MRPL28: variants seen among roughly 807,000 people sequenced by gnomAD.
MRPL28 encodes the protein large ribosomal subunit protein bL28m.
In MRPL28, 25 loss-of-function variants were observed where a neutral mutation model predicts 26.2. The ratio of observed to expected loss-of-function variants is 0.95; its 90% CI spans 0.69 to 1.33. The LOEUF (loss-of-function observed/expected upper bound fraction) is 1.33, where lower values mean the gene tolerates loss of function less well. Among genes scored for constraint, MRPL28 ranks in the 40% most tolerant of loss-of-function variants. MRPL28 has a pLI of 0.00. For missense variants in MRPL28, 432 were observed against 327.2 expected (o/e 1.32, Z -2.47); for synonymous variants, 227 against 140.1 (o/e 1.62, Z -4.38).
chr16:367,681 G>C lies in MRPL28; in HGVS notation c.765C>G (p.Gly255=). The change falls in exon 6 of 6, where the codon GGC becomes GGG. Residue 255 remains glycine, a synonymous_variant. Transcript: ENST00000199706. ...EPAVVQKRAS[G]Q ...GCATGGAGGAGCTGTGTGGTCACTG[G>C]CCACTGGCTCTCTTCTGCACCACCG... 1 of 1,613,490 alleles carries C rather than the reference G, an allele frequency of 6.2e-7. No individual in the cohort carries two copies. The highest frequency in any genetic ancestry group is 8.5e-7 in the Non-Finnish European group (1 of 1,179,788).
intron 5 of MRPL28, 61 bp from the exon 6 acceptor site, chr16:367,843 G>C: frequency 6.9e-7 from 1 of 1,443,992 alleles, no homozygotes; most frequent in South Asian, 1.2e-5. Flanking sequence ...GAGTTCCGAC[G>C]GGGATGGGAT....
intron 3 of MRPL28, chr16:368,853 G>A (rs1362382081): frequency 3.1e-6 from 3 of 979,476 alleles, no homozygotes; most frequent in Admixed American, 2.9e-5. Flanking sequence ...CAGGCCCCAC[G>A]GGCAAGTCAG....
Position 369,164 on chromosome 16 carries a change from G to A in MRPL28, c.345C>T (p.Tyr115=). ...WKPQLFEREF[Y]SEILDKKFTV... Reference sequence around the variant, plus strand: ...TGAACTTCTTGTCCAGGATCTCACTGTAGAACTCTCGCTCAAACAGCTGTG... The same window carrying A: ...TGAACTTCTTGTCCAGGATCTCACTATAGAACTCTCGCTCAAACAGCTGTG... Residue 115 remains tyrosine, a synonymous_variant, in exon 3 of 6, where the codon TAC becomes TAT. Transcript: ENST00000199706. 5.0e-6 allele frequency: 8 copies of A among 1,614,076 alleles called. No individual in the cohort carries two copies. Among genetic ancestry groups the A allele is most frequent in the Non-Finnish European group, 6.8e-6 (8 of 1,179,962 alleles).
In MRPL28 at chr16:367,449, G is replaced by A. The variant is rs145965830; in HGVS notation, c.*226C>T. 4,429 of 715,278 alleles carry A rather than the reference G, an allele frequency of 6.2e-3. 27 individuals carry two copies. The highest frequency in any genetic ancestry group is 8.5e-3 in the Non-Finnish European group (3,250 of 383,666). 44.3% of individuals were successfully genotyped at this position (715,278 alleles called of 1,614,324 possible). The stretch of plus-strand genomic sequence containing the variant: ...CCCCACGGGCACAAGGAACACTGCC[G>A]CAAACGTCGGGGCCCAGCCTGAGAG... On this transcript the variant is annotated 3_prime_UTR_variant, in exon 6 of 6. Coordinates refer to ENST00000199706, the MANE Select transcript of MRPL28 (RefSeq NM_006428.5).
Position 367,413 on chromosome 16 carries a change from C to G in MRPL28, c.*262G>C, listed in dbSNP as rs1252341261. 8 of 709,836 alleles carry G rather than the reference C, an allele frequency of 1.1e-5. No individual in the cohort carries two copies. Among genetic ancestry groups the G allele is most frequent in the African/African-American group, 1.8e-5 (1 of 57,116 alleles). 44.0% of individuals were successfully genotyped at this position (709,836 alleles called of 1,614,324 possible). A position where few individuals can be genotyped will look rare whatever the true frequency, so the allele number is the denominator to read the frequency against. The stretch of plus-strand genomic sequence containing the variant: ...CACACACAGCCTGGCCCAGACTTTA[C>G]TCGCTCCCGGCCCCACGGGCACAAG... On this transcript the variant is annotated 3_prime_UTR_variant, in exon 6 of 6. Coordinates refer to ENST00000199706, the MANE Select transcript of MRPL28 (RefSeq NM_006428.5).
chr16:369,799 C>A, intron 2 of MRPL28, 132 bp downstream of exon 2: 1 of 1,171,682 alleles, frequency 8.5e-7, no homozygotes, highest in East Asian at 2.5e-5. Context: ...TGCTCCTTTG[C>A]CGGAGATGTG....
At chr16:367,880 G>A in intron 5 of MRPL28, 98 bp from the exon 6 acceptor site, 5 of 995,406 alleles carry the variant, frequency 5.0e-6, no homozygotes, top group South Asian at 2.9e-5. Context: ...GAGGAACCGG[G>A]GCATGAGAGG....
At chr16:368,217 G>A (rs1156636755) in intron 5 of MRPL28, 111 bp downstream of exon 5, 3 of 1,297,700 alleles carry the variant, frequency 2.3e-6, no homozygotes, top group Non-Finnish European at 3.3e-6. Flanking sequence ...TCTTCCCCAA[G>A]CCCACCCAGT....
chr16:367,099 G>A lies in MRPL28; in HGVS notation c.*576C>T, dbSNP rs113849177. Among the ~76,000 whole-genome samples, 8,405 of 152,252 alleles carry A rather than the reference G, an allele frequency of 0.055. 290 individuals are homozygous for A. The highest frequency in any genetic ancestry group is 0.082 in the Non-Finnish European group (5,542 of 67,996). ...GGGTGCCTGTAATCCCAGCTACTCA[G>A]GAGGCTGAGACAGGACAATCACTTG... On this transcript the variant is annotated 3_prime_UTR_variant, in exon 6 of 6. Coordinates refer to ENST00000199706, the MANE Select transcript of MRPL28 (RefSeq NM_006428.5).
chr16:367,350 T>C lies in MRPL28; in HGVS notation c.*325A>G. 1 of 641,542 alleles carries C rather than the reference T, an allele frequency of 1.6e-6. No individual in the cohort carries two copies. The allele number at this position is 641,542 out of a possible 1,614,324, so 39.7% of individuals were successfully genotyped here. A position where few individuals can be genotyped will look rare whatever the true frequency, so the allele number is the denominator to read the frequency against. On this transcript the variant is annotated 3_prime_UTR_variant, in exon 6 of 6. Coordinates refer to ENST00000199706, the MANE Select transcript of MRPL28 (RefSeq NM_006428.5). Reference sequence around the variant, plus strand: ...AAGGGCAGGGGTGACAGGATCAGGATCCCCAAAGAGAACACCAGTCCTCAA... The same window carrying C: ...AAGGGCAGGGGTGACAGGATCAGGACCCCCAAAGAGAACACCAGTCCTCAA...
intron 1 of MRPL28, 128 bp downstream of exon 1, chr16:370,371 C>T: frequency 7.6e-7 from 1 of 1,318,996 alleles, no homozygotes. Flanking sequence ...CCCGCTACCC[C>T]GGCCCCCGGC....
In MRPL28 at chr16:368,521, C is replaced by T; in HGVS notation, c.556G>A (p.Ala186Thr). Residue 186 changes from alanine to threonine, a missense_variant, in exon 4 of 6, where the codon GCC becomes ACC. Coordinates refer to ENST00000199706, the MANE Select transcript of MRPL28 (RefSeq NM_006428.5). ...LHPEDPERRA[A>T]IYDKYKEFAI... Reference sequence around the variant, plus strand: ...CTCACCTTGTACTTGTCGTAGATGGCTGCCCGCCGCTCGGGGTCCTCGGGG... The same window carrying T: ...CTCACCTTGTACTTGTCGTAGATGGTTGCCCGCCGCTCGGGGTCCTCGGGG... 1 of 1,593,862 alleles carries T rather than the reference C, an allele frequency of 6.3e-7. No individual in the cohort carries two copies. The highest frequency in any genetic ancestry group is 1.1e-5 in the South Asian group (1 of 89,080).
At position 367,619 on chromosome 16, in the gene MRPL28, A is replaced by C; in HGVS notation, c.*56T>G. 1 of 1,508,438 alleles carries C rather than the reference A, an allele frequency of 6.6e-7. No homozygotes were observed. Among genetic ancestry groups the C allele is most frequent in the Non-Finnish European group, 9.2e-7 (1 of 1,087,762 alleles). The allele number at this position is 1,508,438 out of a possible 1,614,324, so 93.4% of individuals were successfully genotyped here. On this transcript the variant is annotated 3_prime_UTR_variant, in exon 6 of 6. Transcript: ENST00000199706. ...TCCCCGGGATCTGTGTCCTCAGTGC[A>C]AAGGGCCTGGCAGGGAAAGCTGGGC... is the stretch of plus-strand genomic sequence containing the variant.
chr16:367,980 G>A (rs991351696), intron 5 of MRPL28, among the ~76,000 whole-genome samples, 198 bp from the exon 6 acceptor site: 1 of 152,230 alleles, frequency 6.6e-6, no homozygotes, highest in African/African-American at 2.4e-5. Context: ...CCATCCCTGT[G>A]GTCATGGATA....
chr16:369,894 C>A (rs2054304324), intron 2 of MRPL28, 37 bp downstream of exon 2: 5 of 1,582,788 alleles, frequency 3.2e-6, no homozygotes, highest in South Asian at 1.2e-5. Context: ...ACAGCCAAGC[C>A]CTGAGAGGAG....
intron 3 of MRPL28, 107 bp from the exon 4 acceptor site, chr16:368,742 C>T: frequency 6.7e-7 from 1 of 1,483,288 alleles, no homozygotes; most frequent in African/African-American, 1.4e-5. Flanking sequence ...CAGGACAGGA[C>T]AGAGAAGGCC....
rs1384019609 is a variant in MRPL28, at chr16:367,297, A to C, written c.*378T>G. 1 of 602,228 alleles carries C rather than the reference A, an allele frequency of 1.7e-6. No individual in the cohort carries two copies. Among genetic ancestry groups the C allele is most frequent in the Non-Finnish European group, 3.1e-6 (1 of 325,664 alleles). 37.3% of individuals were successfully genotyped at this position (602,228 alleles called of 1,614,324 possible). Reference sequence around the variant, plus strand: ...ACGGGCACAGCCAGAGTCAATGCCCACGGCTCATCCGAGGTCTCAGGGGCA... The same window carrying C: ...ACGGGCACAGCCAGAGTCAATGCCCCCGGCTCATCCGAGGTCTCAGGGGCA... On this transcript the variant is annotated 3_prime_UTR_variant, in exon 6 of 6. Transcript: ENST00000199706.
intron 2 of MRPL28, chr16:369,636 TC>T (rs2054300047): frequency 1.5e-6 from 1 of 680,984 alleles, no homozygotes. Context: ...TGCTCGCCTC[TC>T]CCACCTGCTC....
chr16:368,534 G>C lies in MRPL28; in HGVS notation c.543C>G (p.Pro181=). 6.3e-7 allele frequency: 1 copy of C among 1,594,608 alleles called. No individual in the cohort carries two copies. Among genetic ancestry groups the C allele is most frequent in the South Asian group, 1.1e-5 (1 of 89,032 alleles). The change falls in exon 4 of 6, where the codon CCC becomes CCG. Residue 181 remains proline, a synonymous_variant. Transcript: ENST00000199706. ...TGTCGTAGATGGCTGCCCGCCGCTC[G>C]GGGTCCTCGGGGTGCAGCTGGGGGT... is the stretch of plus-strand genomic sequence containing the variant. ...RQDPQLHPED[P]ERRAAIYDKY... is the part of the protein sequence containing the mutation.
Sources: gnomAD v4.1 joint callset for allele counts (sites outside exome capture counted in the v4.1 genomes callset) on GRCh38, gnomAD v4.1.1 for gene constraint, MANE v1.5 for transcripts, NCBI Gene and HGNC (gene_info 2026-07-23, HGNC 2026-07-21) for gene names.